The following KLF8 variants were observed in gnomAD, a reference collection of about 807,000 sequenced individuals.
KLF8 encodes the protein KLF transcription factor 8.
In KLF8, 10 loss-of-function variants were observed where a neutral mutation model predicts 18.2. The ratio of observed to expected loss-of-function variants is 0.55; its 90% CI spans 0.34 to 0.93. The LOEUF is 0.93. Ranked by LOEUF, KLF8 falls within the 40% of genes least tolerant of loss-of-function variation. KLF8 has a pLI of 0.02. For synonymous variants in KLF8, 109 were observed against 97.3 expected (o/e 1.12, Z -0.71); for missense variants, 264 against 277.9 (o/e 0.95, Z 0.36).
the KLF8 span, among the ~76,000 whole-genome samples, chrX:56,061,686 G>A: frequency 9.0e-6 from 1 of 111,161 alleles, no homozygotes; most frequent in African/African-American, 3.3e-5. Context: ...AGGTCGGCTT[G>A]GTCCAGAGCT....
the KLF8 span, among the ~76,000 whole-genome samples, chrX:56,034,888 T>A: frequency 1.9e-5 from 2 of 103,781 alleles, no homozygotes; most frequent in Non-Finnish European, 3.9e-5. Flanking sequence ...CCCGAGTAGC[T>A]GGGACTACAG....
chrX:56,054,802 C>G, the KLF8 span, among the ~76,000 whole-genome samples: 7 of 111,824 alleles, frequency 6.3e-5, no homozygotes, highest in Admixed American at 5.7e-4. Context: ...TATGACAGGT[C>G]TTCTTGTTTC....
chrX:56,283,597 T>TGA, intron 5 of KLF8, among the ~76,000 whole-genome samples: 1 of 111,247 alleles, frequency 9.0e-6, no homozygotes, highest in East Asian at 2.8e-4. Flanking sequence ...GTTCTCAATA[T>TGA]ACTGATCTCA....
the KLF8 span, among the ~76,000 whole-genome samples, chrX:56,043,221 T>C: frequency 9.0e-6 from 1 of 110,854 alleles, no homozygotes; most frequent in Admixed American, 9.6e-5. Flanking sequence ...GTAGGTAATC[T>C]GGACTTTCTG....
At chrX:55,920,420 G>A in the KLF8 span, among the ~76,000 whole-genome samples, 1 of 111,430 alleles carries the variant, frequency 9.0e-6, no homozygotes, top group African/African-American at 3.3e-5. Flanking sequence ...AAACCATGAC[G>A]AAATCTTTGA....
At chrX:56,265,827 TCCTCC>T in intron 3 of KLF8, 83 bp downstream of exon 3, 1 of 1,111,317 alleles carries the variant, frequency 9.0e-7, no homozygotes, top group South Asian at 2.2e-5. Context: ...TCTTTTCACT[TCCTCC>T]AATTATTCTT....
chrX:56,278,039 G>A (rs1372473665), intron 5 of KLF8, among the ~76,000 whole-genome samples: 3 of 112,447 alleles, frequency 2.7e-5, no homozygotes, highest in African/African-American at 6.5e-5. Context: ...TGGGACTCAC[G>A]CTTGAGGGCA....
the KLF8 span, among the ~76,000 whole-genome samples, chrX:56,103,985 T>A: frequency 8.9e-6 from 1 of 111,926 alleles, no homozygotes; most frequent in South Asian, 3.8e-4. Flanking sequence ...GGTTTTTGTC[T>A]TTGGTTCTGT....
the KLF8 span, among the ~76,000 whole-genome samples, chrX:55,988,702 T>G: frequency 1.8e-5 from 2 of 111,582 alleles, no homozygotes; most frequent in African/African-American, 6.5e-5. Flanking sequence ...TTTGGTTCCA[T>G]ATGAACTTTA....
chrX:56,181,385 A>G, the KLF8 span, among the ~76,000 whole-genome samples: 4 of 111,297 alleles, frequency 3.6e-5, no homozygotes, highest in Non-Finnish European at 5.6e-5. Flanking sequence ...TCTCCTGAAT[A>G]CAGCACACTG....
At chrX:56,086,176 T>C in the KLF8 span, among the ~76,000 whole-genome samples, 2 of 112,308 alleles carry the variant, frequency 1.8e-5, no homozygotes, top group Admixed American at 9.5e-5. Context: ...CAAGGCTTTC[T>C]GTGGATTAGA....
At chrX:56,216,018 A>C in the KLF8 span, among the ~76,000 whole-genome samples, 6 of 107,694 alleles carry the variant, frequency 5.6e-5, no homozygotes, top group Admixed American at 6.0e-4. Flanking sequence ...CGACACCACT[A>C]TTCATCCAGT....
chrX:56,080,003 A>G, the KLF8 span, among the ~76,000 whole-genome samples: 1 of 110,814 alleles, frequency 9.0e-6, no homozygotes, highest in Non-Finnish European at 1.9e-5. Flanking sequence ...TTTGCTTGGT[A>G]GATCTTCCTC....
At chrX:56,058,293 T>TATATATATATAC in the KLF8 span, among the ~76,000 whole-genome samples, 2 of 65,238 alleles carry the variant, frequency 3.1e-5, no homozygotes, top group African/African-American at 1.2e-4. Context: ...TATATATATA[T>TATATATATATAC]ATATATATAT....
chrX:56,174,975 G>T, the KLF8 span, among the ~76,000 whole-genome samples: 17 of 111,285 alleles, frequency 1.5e-4, no homozygotes, highest in Non-Finnish European at 3.2e-4. Context: ...CGTCTATTTG[G>T]TTCTTCTCTC....
chrX:56,234,278 G>A (rs775634620), intron 1 of KLF8, among the ~76,000 whole-genome samples: 1 of 111,797 alleles, frequency 8.9e-6, no homozygotes, highest in East Asian at 2.8e-4. Flanking sequence ...ATGGTTTGGG[G>A]TAATCTGCTT....
At chrX:56,053,557 T>TTTTTTG in the KLF8 span, among the ~76,000 whole-genome samples, 412 of 105,950 alleles carry the variant, frequency 3.9e-3, 1 homozygote, top group African/African-American at 0.013. Context: ...TTTTTTTTTT[T>TTTTTTG]GGGGAATAGT....
At chrX:55,931,788 T>C in the KLF8 span, among the ~76,000 whole-genome samples, 1 of 111,503 alleles carries the variant, frequency 9.0e-6, no homozygotes, top group East Asian at 2.8e-4. Context: ...TACTTCCAAT[T>C]ATGTGATCAA....
chrX:55,967,574 T>C, the KLF8 span, among the ~76,000 whole-genome samples: 2 of 110,567 alleles, frequency 1.8e-5, no homozygotes, highest in Admixed American at 1.9e-4. Context: ...AGCTGAGGGA[T>C]TTCACCAACA....
Sources: gnomAD v4.1 joint callset for allele counts (sites outside exome capture counted in the v4.1 genomes callset) on GRCh38, gnomAD v4.1.1 for gene constraint, MANE v1.5 for transcripts, NCBI Gene and HGNC (gene_info 2026-07-23, HGNC 2026-07-21) for gene names.